The following ASXL3 variants were observed in gnomAD, a reference collection of about 807,000 sequenced individuals.
ASXL3 encodes the protein putative Polycomb group protein ASXL3.
A neutral mutation model predicts 170.6 loss-of-function variants in ASXL3; 34 were observed. The ratio of observed to expected loss-of-function variants is 0.20; its 90% CI spans 0.15 to 0.27. ASXL3 has a LOEUF of 0.27. Ranked by LOEUF, ASXL3 falls within the 10% of genes least tolerant of loss-of-function variation. ASXL3 has a pLI of 1.00. For missense variants in ASXL3, 2,592 were observed against 2,695.3 expected (o/e 0.96, Z 0.85); for synonymous variants, 1,002 against 989.1 (o/e 1.01, Z -0.24).
intron 2 of ASXL3, among the ~76,000 whole-genome samples, chr18:33,638,039 G>T (rs1177094815): frequency 2.0e-5 from 3 of 151,840 alleles, no homozygotes; most frequent in Non-Finnish European, 1.5e-5. Flanking sequence ...TGAAAGAATT[G>T]TGTTTTTTCT....
At chr18:33,656,062 AGTTGTGCAACT>A (rs1038459342) in intron 4 of ASXL3, among the ~76,000 whole-genome samples, 10 of 152,086 alleles carry the variant, frequency 6.6e-5, no homozygotes, top group African/African-American at 2.4e-4. Flanking sequence ...ACTCAATAAA[AGTTGTGCAACT>A]GAATGATTCA....
rs370620373 is a variant in ASXL3, at chr18:33,739,604, A to T, written c.2200A>T (p.Met734Leu). 4.0e-5 allele frequency: 64 copies of T among 1,613,828 alleles called. No individual in the cohort carries two copies. Among genetic ancestry groups the T allele is most frequent in the Non-Finnish European group, 5.2e-5 (61 of 1,179,874 alleles). Residue 734 changes from methionine (M) to leucine (L), a missense_variant, in exon 11 of 12, where the codon ATG becomes TTG. By Grantham distance (15) the Met-to-Leu change is conservative. Around this residue, in one of 4 missense-constraint regions of ASXL3, gnomAD observed 2,246 missense variants for 2,219.6 expected, o/e 1.01. Transcript: ENST00000269197. ...ATCAGAAACTTCTTCAGTGTCTTCC[A>T]TGCTTCTCACCTCTGAGACCACTTT... ...LTSETSSVSSMLLTSETTFVS... is the reference protein window; with the variant it reads ...LTSETSSVSSLLLTSETTFVS...
At chr18:33,716,265 T>C (rs767880715) in intron 8 of ASXL3, among the ~76,000 whole-genome samples, 12 of 152,190 alleles carry the variant, frequency 7.9e-5, no homozygotes, top group Non-Finnish European at 1.6e-4. Context: ...CCGTGGAACA[T>C]AGAGAGCAGT....
intron 8 of ASXL3, among the ~76,000 whole-genome samples, chr18:33,731,504 C>A (rs571094475): frequency 6.6e-6 from 1 of 152,198 alleles, no homozygotes; most frequent in South Asian, 2.1e-4. Flanking sequence ...GACTCTCATG[C>A]GGCTGCATCA....
intron 1 of ASXL3, 33 bp downstream of exon 1, chr18:33,578,718 TC>T: frequency 1.7e-6 from 2 of 1,170,238 alleles, no homozygotes; most frequent in South Asian, 3.1e-5. Context: ...CGCCCGCGCC[TC>T]CCGCCGGCCC....
intron 7 of ASXL3, among the ~76,000 whole-genome samples, chr18:33,673,566 A>G (rs886404193): frequency 2.0e-5 from 3 of 151,928 alleles, no homozygotes; most frequent in Admixed American, 6.6e-5. Flanking sequence ...GGGTTTTACC[A>G]TGTTGGCCAG....
In ASXL3 at chr18:33,671,839, T is replaced by C. The variant is rs560314081; in HGVS notation, c.688T>C (p.Leu230=). The change falls in exon 7 of 12, where the codon TTA becomes CTA. Residue 230 remains leucine (L), a synonymous_variant. Transcript: ENST00000269197. The part of the protein sequence containing the change: ...SPTGKQTSQH[L]KRLKKSGLGH... ...CACTGGAAAACAAACAAGTCAGCAC[T>C]TAAAACGATTAAAAAAGTCTGGTTT... 23 of 1,609,436 alleles carry C rather than the reference T, an allele frequency of 1.4e-5. No individual in the cohort carries two copies. In the East Asian group the frequency reaches 5.1e-4, roughly 36 times the overall value.
In ASXL3 at chr18:33,744,701, G is replaced by C; in HGVS notation, c.4853G>C (p.Gly1618Ala). The stretch of plus-strand genomic sequence containing the variant: ...AATGATGATGGGATGAGGAGCACAG[G>C]ACAGCCTCTGGTTACTCACTCGGGT... ...CWNDDGMRST[G>A]QPLVTHSGSS... The change falls in exon 12 of 12, where the codon GGA becomes GCA. Residue 1618 changes from glycine (G) to alanine (A), a missense_variant. Gly to Ala is a moderately conservative substitution (Grantham distance 60). Coordinates refer to ENST00000269197, the MANE Select transcript of ASXL3 (RefSeq NM_030632.3). The C allele has an allele frequency of 6.2e-7, 1 of 1,612,044 alleles. No homozygotes were observed. The highest frequency in any genetic ancestry group is 8.5e-7 in the Non-Finnish European group (1 of 1,178,904).
chr18:33,745,224 A>G lies in ASXL3; in HGVS notation c.5376A>G (p.Pro1792=), dbSNP rs1289066839. Residue 1792 remains proline, a synonymous_variant, in exon 12 of 12, where the codon CCA becomes CCG. Coordinates refer to ENST00000269197, the MANE Select transcript of ASXL3 (RefSeq NM_030632.3). ...CTACCTCAGTGGGTAAAACAGCACC[A>G]GAGAGAAACGTTGAAATTCCGCCCA... ...LQTTSVGKTA[P]ERNVEIPPSS... The G allele has an allele frequency of 6.2e-7, 1 of 1,614,038 alleles. No homozygotes were observed. The highest frequency in any genetic ancestry group is 1.7e-5 in the Admixed American group (1 of 60,032).
intron 8 of ASXL3, among the ~76,000 whole-genome samples, chr18:33,688,716 T>C (rs1423825635): frequency 1.3e-5 from 2 of 152,174 alleles, no homozygotes; most frequent in African/African-American, 2.4e-5. Context: ...TAGTGTCAAA[T>C]GTACAATAGG....
chr18:33,611,587 A>G (rs1289416449), intron 2 of ASXL3, among the ~76,000 whole-genome samples: 1 of 152,102 alleles, frequency 6.6e-6, no homozygotes, highest in Non-Finnish European at 1.5e-5. Context: ...TGCTGCTTCT[A>G]TAGACGGGAT....
chr18:33,631,460 A>G (rs534527529), intron 2 of ASXL3, among the ~76,000 whole-genome samples: 7 of 152,210 alleles, frequency 4.6e-5, no homozygotes, highest in African/African-American at 1.7e-4. Context: ...AACCAAAACA[A>G]TACATTGAAA....
At chr18:33,657,875 C>T (rs2066109219) in intron 4 of ASXL3, among the ~76,000 whole-genome samples, 1 of 151,998 alleles carries the variant, frequency 6.6e-6, no homozygotes, top group African/African-American at 2.4e-5. Context: ...ATTTTTATAC[C>T]TTTTAAAAAA....
rs60932631 is a variant in ASXL3, at chr18:33,581,209, C to T, written c.54+2524C>T. The stretch of plus-strand genomic sequence containing the variant: ...AATTAAAAAAAGTTTTTAAGCATTT[C>T]TGTGATATAGATACTATCATTTCAT... On this transcript the variant is annotated intron_variant, in intron 1 of 11. Coordinates refer to ENST00000269197, the MANE Select transcript of ASXL3 (RefSeq NM_030632.3). Among the ~76,000 whole-genome samples the T allele has an allele frequency of 8.1e-3, 1,228 of 152,112 alleles. 14 individuals carry two copies. Among genetic ancestry groups the T allele is most frequent in the African/African-American group, 0.028 (1,153 of 41,480 alleles).
At chr18:33,731,778 C>T (rs553448319) in intron 8 of ASXL3, among the ~76,000 whole-genome samples, 190 bp from the exon 9 acceptor site, 14 of 152,216 alleles carry the variant, frequency 9.2e-5, no homozygotes, top group Non-Finnish European at 2.1e-4. Flanking sequence ...TCCTCTCCGC[C>T]TCCTACCCTG....
At chr18:33,685,635 T>C (rs1340576250) in intron 8 of ASXL3, among the ~76,000 whole-genome samples, 1 of 152,180 alleles carries the variant, frequency 6.6e-6, no homozygotes, top group African/African-American at 2.4e-5. Flanking sequence ...AGAAAAGAGA[T>C]TTATTTGGCT....
At position 33,739,269 on chromosome 18, in the gene ASXL3, G is replaced by C. The variant is rs1483961493; in HGVS notation, c.1865G>C (p.Cys622Ser). 2.5e-6 allele frequency: 4 copies of C among 1,613,728 alleles called. No individual in the cohort carries two copies. Among genetic ancestry groups the C allele is most frequent in the East Asian group, 2.2e-5 (1 of 44,868 alleles). Residue 622 changes from cysteine to serine, a missense_variant, in exon 11 of 12, where the codon TGT becomes TCT. Physicochemically the swap from Cys to Ser is moderately radical, Grantham distance 112. This residue lies in a region of ASXL3 where 2,246 missense variants were observed against 2,219.6 expected (regional missense o/e 1.01). Transcript: ENST00000269197. ...SFSSESPEGACTSLPSPGGET... is the reference protein window; with the variant it reads ...SFSSESPEGASTSLPSPGGET... ...TCTTCTGAGAGCCCAGAGGGAGCCT[G>C]TACCAGCCTGCCTTCTCCAGGAGGG...
rs1479346657 is a variant in ASXL3, at chr18:33,635,003, G to A, written c.138-9891G>A. 2.6e-5 allele frequency among the ~76,000 whole-genome samples: 4 copies of A among 152,140 alleles called. No individual in the cohort carries two copies. The East Asian group carries it at 7.7e-4, about 29-fold the overall frequency. ...TCATTGTGGACTGCAGAGGTGATTA[G>A]TAGCTTTTAGGAGATGAAGATGAGG... On this transcript the variant is annotated intron_variant, in intron 2 of 11. Coordinates refer to ENST00000269197, the MANE Select transcript of ASXL3 (RefSeq NM_030632.3).
At position 33,746,195 on chromosome 18, in the gene ASXL3, C is replaced by T. The variant is rs757112357; in HGVS notation, c.6347C>T (p.Ala2116Val). Residue 2116 changes from alanine (A) to valine (V), a missense_variant, in exon 12 of 12, where the codon GCG (alanine) becomes GTG (valine). Physicochemically the swap from Ala to Val is moderately conservative, Grantham distance 64 (BLOSUM62 0). Around this residue, in one of 4 missense-constraint regions of ASXL3, gnomAD observed 2,246 missense variants for 2,219.6 expected, o/e 1.01. Transcript: ENST00000269197. ...ATGAAAGAACAGTTAAAAGCATTCG[C>T]GCTAAAAAGTGCAGATTTCTCTTCC... ...NEMKEQLKAF[A>V]LKSADFSSYL... The T allele has an allele frequency of 1.2e-5, 19 of 1,613,688 alleles. No individual in the cohort carries two copies. The highest frequency in any genetic ancestry group is 3.3e-5 in the Admixed American group (2 of 59,958).
Sources: gnomAD v4.1 joint callset for allele counts (sites outside exome capture counted in the v4.1 genomes callset) on GRCh38, gnomAD v4.1.1 for gene constraint, gnomAD v4.1.1 regional missense constraint, MANE v1.5 for transcripts, NCBI Gene and HGNC (gene_info 2026-07-23, HGNC 2026-07-21) for gene names.